The following CTNNA1 variants were observed in gnomAD, a reference collection of about 807,000 sequenced individuals.
The protein encoded by CTNNA1 is catenin alpha-1.
CTNNA1 carries 37 observed loss-of-function variants against 98.4 expected under a neutral mutation model. The observed-to-expected ratio is 0.38, with a 90% confidence interval of 0.29 to 0.49. The LOEUF (loss-of-function observed/expected upper bound fraction) is 0.49, where lower values mean the gene tolerates loss of function less well. Among genes scored for constraint, CTNNA1 ranks in the 20% least tolerant of loss-of-function variants. CTNNA1 has a pLI of 0.95. For missense variants in CTNNA1, 761 were observed against 1,147.2 expected (o/e 0.66, Z 4.86); for synonymous variants, 404 against 413.2 (o/e 0.98, Z 0.27).
intron 1 of CTNNA1, among the ~76,000 whole-genome samples, chr5:138,761,327 T>C (rs949722771): frequency 2.0e-5 from 3 of 152,050 alleles, no homozygotes; most frequent in Non-Finnish European, 4.4e-5. Context: ...CTCCACTTCC[T>C]GAGTTCAAAT....
chr5:138,802,937 A>G (rs949701096), intron 3 of CTNNA1, among the ~76,000 whole-genome samples: 8 of 150,684 alleles, frequency 5.3e-5, no homozygotes, highest in Non-Finnish European at 7.4e-5. Context: ...AGCTGGGATT[A>G]CAGGCATGCA....
intron 5 of CTNNA1, 46 bp from the exon 6 acceptor site, chr5:138,824,484 C>G (rs1760429350): frequency 7.5e-6 from 12 of 1,592,418 alleles, no homozygotes; most frequent in Non-Finnish European, 9.4e-6. Context: ...ATGAGTAAAG[C>G]CCATATAAAG....
chr5:138,873,083 C>T lies in CTNNA1; in HGVS notation c.1063-13129C>T. 1.9e-6 allele frequency: 3 copies of T among 1,613,830 alleles called. No homozygotes were observed. The highest frequency in any genetic ancestry group is 2.5e-6 in the Non-Finnish European group (3 of 1,179,858). On this transcript the variant is annotated intron_variant, in intron 7 of 17. Transcript: ENST00000302763. This position sits in a 1 kb window ranked among gnomAD's most constrained non-coding sequence, Gnocchi z 6.1. The stretch of plus-strand genomic sequence containing the variant: ...ATAACCATTAATGATGATGAAGGGT[C>T]CTTCATGGGTGGGTTCATATTCATT...
rs184321668 is a variant in CTNNA1 at position 138,860,956 on chromosome 5, A to G, written c.1063-25256A>G. ...TATTCTTCTTCTCTTTCCCACTGCCATTTTTTTCCTCCTGGTAAATTACAA... is the reference window on the plus strand; with the variant it reads ...TATTCTTCTTCTCTTTCCCACTGCCGTTTTTTTCCTCCTGGTAAATTACAA... On this transcript the variant is annotated intron_variant, in intron 7 of 17. Coordinates refer to ENST00000302763, the MANE Select transcript of CTNNA1 (RefSeq NM_001903.5). Among the ~76,000 whole-genome samples, 42 of 152,078 alleles carry G rather than the reference A, an allele frequency of 2.8e-4. 1 individual carries two copies. In the East Asian group the frequency reaches 6.2e-3, roughly 22 times the overall value.
In CTNNA1 at chr5:138,770,678, C is replaced by T. The variant is rs572310865; in HGVS notation, c.-2-11245C>T. On this transcript the variant is annotated intron_variant, in intron 1 of 17. Transcript: ENST00000302763. ...GTCAAGACAGAAAGACCTCGCCGGG[C>T]GCGGTGGCTCATGCCTTTAATCCCA... Among the ~76,000 whole-genome samples the T allele has an allele frequency of 2.0e-5, 3 of 152,286 alleles. No homozygotes were observed. The East Asian group carries it at 5.8e-4, about 29-fold the overall frequency.
chr5:138,841,768 A>G (rs1321514586), intron 7 of CTNNA1, among the ~76,000 whole-genome samples: 1 of 152,190 alleles, frequency 6.6e-6, no homozygotes, highest in Non-Finnish European at 1.5e-5. Context: ...TTTTGAAATG[A>G]TTGGCCTCCT....
At chr5:138,881,826 AAAC>A (rs1752962382) in intron 7 of CTNNA1, among the ~76,000 whole-genome samples, 1 of 152,170 alleles carries the variant, frequency 6.6e-6, no homozygotes, top group South Asian at 2.1e-4. Flanking sequence ...TCTTCCTGTT[AAAC>A]TAATCAGACC....
At chr5:138,839,479 G>C (rs1394033810) in intron 7 of CTNNA1, among the ~76,000 whole-genome samples, 1 of 152,166 alleles carries the variant, frequency 6.6e-6, no homozygotes, top group Non-Finnish European at 1.5e-5. Context: ...GGGATTACAG[G>C]CATGAGCCAC....
At chr5:138,846,793 G>C (rs1487733397) in intron 7 of CTNNA1, among the ~76,000 whole-genome samples, 2 of 152,160 alleles carry the variant, frequency 1.3e-5, no homozygotes, top group Non-Finnish European at 1.5e-5. Context: ...CTGAACAGGT[G>C]TCATTTCAAG....
chr5:138,755,464 C>T (rs1280396371), intron 1 of CTNNA1, among the ~76,000 whole-genome samples: 2 of 152,024 alleles, frequency 1.3e-5, no homozygotes, highest in African/African-American at 2.4e-5. Context: ...TTTTCCTCGC[C>T]CTCACTCTTT....
chr5:138,813,707 T>A (rs1759092370), intron 5 of CTNNA1, among the ~76,000 whole-genome samples: 1 of 152,124 alleles, frequency 6.6e-6, no homozygotes, highest in African/African-American at 2.4e-5. Flanking sequence ...AACCTCGATT[T>A]CCCCAGGCTC....
intron 5 of CTNNA1, among the ~76,000 whole-genome samples, chr5:138,820,523 T>C (rs1759929594): frequency 6.6e-6 from 1 of 151,822 alleles, no homozygotes; most frequent in Non-Finnish European, 1.5e-5. Context: ...GTTGCTGAAA[T>C]CCTCTTGCTT....
At chr5:138,831,611 GT>G (rs1229758611) in intron 7 of CTNNA1, among the ~76,000 whole-genome samples, 1 of 151,208 alleles carries the variant, frequency 6.6e-6, no homozygotes, top group Non-Finnish European at 1.5e-5. Context: ...CCCCACATTT[GT>G]TTTTCATCTC....
intron 17 of CTNNA1, chr5:138,932,955 C>A: frequency 2.6e-6 from 2 of 770,520 alleles, no homozygotes; most frequent in Non-Finnish European, 4.7e-6. Context: ...TGGCCACTCA[C>A]TGGGTAGGAA....
At chr5:138,793,600 T>C (rs1756603169) in intron 3 of CTNNA1, among the ~76,000 whole-genome samples, 2 of 152,192 alleles carry the variant, frequency 1.3e-5, no homozygotes, top group Admixed American at 6.5e-5. Flanking sequence ...AGGAAGTTAT[T>C]TTAGGTATTA....
chr5:138,923,005 A>G (rs1428176116), intron 11 of CTNNA1, among the ~76,000 whole-genome samples: 7 of 135,628 alleles, frequency 5.2e-5, no homozygotes, highest in African/African-American at 2.0e-4. Flanking sequence ...TCACTTTTGA[A>G]CGGAAAGGAA....
At chr5:138,845,517 G>A (rs958302282) in intron 7 of CTNNA1, among the ~76,000 whole-genome samples, 1 of 152,166 alleles carries the variant, frequency 6.6e-6, no homozygotes, top group Non-Finnish European at 1.5e-5. Flanking sequence ...AGATAGTATC[G>A]ACTAAGACAT....
intron 9 of CTNNA1, among the ~76,000 whole-genome samples, chr5:138,889,992 T>G (rs1018454779): frequency 6.6e-6 from 1 of 152,248 alleles, no homozygotes; most frequent in Non-Finnish European, 1.5e-5. Flanking sequence ...TTTGAACTAG[T>G]CAGTGACTTG....
In CTNNA1 at chr5:138,873,691, G is replaced by T; in HGVS notation, c.1063-12521G>T. ...AGTTTAAGATCTTGGAATCAAGGCT[G>T]TTTAACTTGTTGTTATCCATGAGGA... On this transcript the variant is annotated intron_variant, in intron 7 of 17. Transcript: ENST00000302763. This position sits in a 1 kb window ranked among gnomAD's most constrained non-coding sequence, Gnocchi z 6.1. The T allele has an allele frequency of 6.2e-7, 1 of 1,614,044 alleles. No homozygotes were observed. The highest frequency in any genetic ancestry group is 2.2e-5 in the East Asian group (1 of 44,882).
Sources: gnomAD v4.1 joint callset for allele counts (sites outside exome capture counted in the v4.1 genomes callset) on GRCh38, gnomAD v4.1.1 for gene constraint, Gnocchi (gnomAD v3.1) non-coding constraint, MANE v1.5 for transcripts, NCBI Gene and HGNC (gene_info 2026-07-23, HGNC 2026-07-21) for gene names.